CRMP1: variants seen among roughly 807,000 people sequenced by gnomAD.
CRMP1 encodes the protein collapsin response mediator protein 1.
In CRMP1, 19 loss-of-function variants were observed where a neutral mutation model predicts 68.3. That is an observed-to-expected ratio of 0.28 (90% CI 0.19 to 0.41). The LOEUF (loss-of-function observed/expected upper bound fraction) is 0.41, where lower values mean the gene tolerates loss of function less well. CRMP1 is among the 10% of genes least tolerant of loss of function. The pLI is 1.00. For synonymous variants in CRMP1, 439 were observed against 399.6 expected, an observed-to-expected ratio of 1.10 and a Z score of -1.18; for missense variants, 791 against 967.4, an observed-to-expected ratio of 0.82 and a Z score of 2.42.
rs1223141278 is a variant in CRMP1, at chr4:5,888,291, G to A, written c.381+4298C>T. ...TGGCCCCCTCTGGCGCCCTCGGCCC[G>A]GCCGCTGACCTGCGGGGCTGTCTGA... On this transcript the variant is annotated intron_variant, in intron 1 of 13. Transcript: ENST00000324989. This position sits in a 1 kb window ranked among gnomAD's most constrained non-coding sequence, Gnocchi z 6.4. The A allele has an allele frequency of 6.3e-6, 8 of 1,264,658 alleles. No homozygotes were observed. The highest frequency in any genetic ancestry group is 6.0e-6 in the Non-Finnish European group (6 of 998,886). The allele number at this position is 1,264,658 out of a possible 1,614,324, so 78.3% of individuals were successfully genotyped here.
rs1002451466 is a variant in CRMP1 at position 5,842,860 on chromosome 4, A to G, written c.1032+233T>C. Reference sequence around the variant, plus strand: ...CCGTATCCACTTGGGACACTGAAGCACCCACGGGGCCTTGGAGTGAAGTTC... The same window carrying G: ...CCGTATCCACTTGGGACACTGAAGCGCCCACGGGGCCTTGGAGTGAAGTTC... On this transcript the variant is annotated intron_variant, in intron 7 of 13. Transcript: ENST00000324989. This position sits in a 1 kb window ranked among gnomAD's most constrained non-coding sequence, Gnocchi z 4.5. Among the ~76,000 whole-genome samples the G allele has an allele frequency of 2.0e-5, 3 of 152,102 alleles. No individual in the cohort carries two copies. The highest frequency in any genetic ancestry group is 1.3e-4 in the Admixed American group (2 of 15,274).
chr4:5,882,397 A>T (rs1715276524), intron 1 of CRMP1, among the ~76,000 whole-genome samples: 1 of 152,248 alleles, frequency 6.6e-6, no homozygotes, highest in Admixed American at 6.5e-5. Flanking sequence ...ATGTAGCATG[A>T]GCAAAAAATA....
chr4:5,884,378 A>AAC (rs957504772), intron 1 of CRMP1, among the ~76,000 whole-genome samples: 25 of 151,564 alleles, frequency 1.6e-4, no homozygotes, highest in African/African-American at 5.6e-4. Context: ...TGTTTAATCA[A>AAC]ACACACACAC....
chr4:5,860,901 G>T lies in CRMP1; in HGVS notation c.655+125C>A. 2 of 936,316 alleles carry T rather than the reference G, an allele frequency of 2.1e-6. No homozygotes were observed. Among genetic ancestry groups the T allele is most frequent in the Non-Finnish European group, 3.2e-6 (2 of 633,040 alleles). The allele number at this position is 936,316 out of a possible 1,614,324, so 58.0% of individuals were successfully genotyped here. A position where few individuals can be genotyped will look rare whatever the true frequency, so the allele number is the denominator to read the frequency against. ...ACAGTGACCTGTGTCATAGGGCTGG[G>T]GGGAGAATGAAATCCAATGGCACCC... On this transcript the variant is annotated intron_variant, in intron 3 of 13. Coordinates refer to ENST00000324989, the MANE Select transcript of CRMP1 (RefSeq NM_001014809.3). The surrounding 1 kb of genome is among the most constrained non-coding windows in gnomAD (Gnocchi z 4.2).
chr4:5,864,676 C>T (rs1253512039), intron 2 of CRMP1, among the ~76,000 whole-genome samples: 10 of 152,170 alleles, frequency 6.6e-5, no homozygotes, highest in Non-Finnish European at 1.5e-4. Context: ...ATGCACCCCA[C>T]ACCGTCTTGG....
chr4:5,887,954 TG>T, intron 1 of CRMP1: 1 of 570,206 alleles, frequency 1.8e-6, no homozygotes, highest in Non-Finnish European at 2.5e-6. Flanking sequence ...CGCCATCCTC[TG>T]GCACATCCCG....
In CRMP1 at chr4:5,892,753, C is replaced by A. The variant is rs1486364991; in HGVS notation, c.217G>T (p.Val73Phe). 1.4e-5 allele frequency: 17 copies of A among 1,227,996 alleles called. No individual in the cohort carries two copies. Among genetic ancestry groups the A allele is most frequent in the Non-Finnish European group, 1.7e-5 (17 of 986,884 alleles). 76.1% of individuals were successfully genotyped at this position (1,227,996 alleles called of 1,614,324 possible). The change falls in exon 1 of 14, where the codon GTC (valine) becomes TTC (phenylalanine). Residue 73 changes from valine to phenylalanine, a missense_variant. Coordinates refer to ENST00000324989, the MANE Select transcript of CRMP1 (RefSeq NM_001014809.3). The surrounding 1 kb of genome is among the most constrained non-coding windows in gnomAD (Gnocchi z 8.6). ...TPRSAGRPDA[V>F]GLPGPGGSED... ...CTGCCTCCCGGCCCTGGCAGCCCGA[C>A]CGCGTCGGGCCGGCCAGCGCTGCGC... is the stretch of plus-strand genomic sequence containing the variant.
intron 1 of CRMP1, among the ~76,000 whole-genome samples, chr4:5,887,054 G>A (rs1318705963): frequency 6.6e-6 from 1 of 152,180 alleles, no homozygotes; most frequent in Non-Finnish European, 1.5e-5. Context: ...AGGGGGCCTG[G>A]GTTCCCTCCT....
chr4:5,883,232 TTTCCTTCC>T lies in CRMP1; in HGVS notation c.381+9349_381+9356del, dbSNP rs543767657. On this transcript the variant is annotated intron_variant, in intron 1 of 13. Coordinates refer to ENST00000324989, the MANE Select transcript of CRMP1 (RefSeq NM_001014809.3). This position sits in a 1 kb window ranked among gnomAD's most constrained non-coding sequence, Gnocchi z 4.5. ...GTGCCCTGTTCCGCAGCCTGCCTGC[TTTCCTTCC>T]TTCCTTCCTTCCTTCCTTCCTCCCT... 1.8e-5 allele frequency among the ~76,000 whole-genome samples: 2 copies of T among 112,372 alleles called. No individual in the cohort carries two copies. The highest frequency in any genetic ancestry group is 1.7e-4 in the Admixed American group (2 of 11,654). 73.7% of individuals were successfully genotyped at this position (112,372 alleles called of 152,430 possible). A position where few individuals can be genotyped will look rare whatever the true frequency, so the allele number is the denominator to read the frequency against.
chr4:5,889,555 G>T lies in CRMP1; in HGVS notation c.381+3034C>A. 11 of 1,534,724 alleles carry T rather than the reference G, an allele frequency of 7.2e-6. No homozygotes were observed. Among genetic ancestry groups the T allele is most frequent in the Non-Finnish European group, 9.6e-6 (11 of 1,145,678 alleles). On this transcript the variant is annotated intron_variant, in intron 1 of 13. Coordinates refer to ENST00000324989, the MANE Select transcript of CRMP1 (RefSeq NM_001014809.3). The surrounding 1 kb of genome is among the most constrained non-coding windows in gnomAD (Gnocchi z 4.5). ...AAGATGAAAGAAGATGGAGGAAAAG[G>T]GGGAGCCCCAGCAAGCCCCAACCTC... is the stretch of plus-strand genomic sequence containing the variant.
chr4:5,872,414 C>T lies in CRMP1; in HGVS notation c.382-5658G>A, dbSNP rs1049880626. Among the ~76,000 whole-genome samples the T allele has an allele frequency of 1.3e-4, 20 of 152,230 alleles. No homozygotes were observed. Among genetic ancestry groups the T allele is most frequent in the Non-Finnish European group, 2.4e-4 (16 of 68,022 alleles). On this transcript the variant is annotated intron_variant, in intron 1 of 13. Transcript: ENST00000324989. This position sits in a 1 kb window ranked among gnomAD's most constrained non-coding sequence, Gnocchi z 4.6. ...TATTATGTATAACCTAGGCCAGGTG[C>T]GGTGGCTCACGCCTGTAATCCCAGC...
chr4:5,845,285 G>C (rs1712107013), intron 6 of CRMP1, among the ~76,000 whole-genome samples: 1 of 152,186 alleles, frequency 6.6e-6, no homozygotes, highest in Non-Finnish European at 1.5e-5. Flanking sequence ...CAAGACAAAA[G>C]GGTTGGGCTG....
intron 4 of CRMP1, 69 bp downstream of exon 4, chr4:5,856,074 C>A: frequency 1.3e-6 from 2 of 1,571,768 alleles, no homozygotes; most frequent in Non-Finnish European, 1.7e-6. Flanking sequence ...ATTTTTCACT[C>A]CACATAATCT....
At position 5,890,127 on chromosome 4, in the gene CRMP1, C is replaced by G; in HGVS notation, c.381+2462G>C. On this transcript the variant is annotated intron_variant, in intron 1 of 13. Coordinates refer to ENST00000324989, the MANE Select transcript of CRMP1 (RefSeq NM_001014809.3). The surrounding 1 kb of genome is among the most constrained non-coding windows in gnomAD (Gnocchi z 5.5). ...TGACCGGAAATTGCAGATGGGGACA[C>G]TGTCCCTCCCCAACTCCTACACTCC... 1 of 215,508 alleles carries G rather than the reference C, an allele frequency of 4.6e-6. No individual in the cohort carries two copies. The highest frequency in any genetic ancestry group is 9.3e-6 in the Non-Finnish European group (1 of 108,078). 13.3% of individuals were successfully genotyped at this position (215,508 alleles called of 1,614,324 possible).
rs1426270270 is a variant in CRMP1, at chr4:5,825,459, A to C, written c.1969+35T>G. The stretch of plus-strand genomic sequence containing the variant: ...GGAAGGACTCGGCCTGAACTGCTGC[A>C]ATTGTGGGGAGCCTGGGCCACCACT... On this transcript the variant is annotated intron_variant, in intron 13 of 13. Coordinates refer to ENST00000324989, the MANE Select transcript of CRMP1 (RefSeq NM_001014809.3). The surrounding 1 kb of genome is among the most constrained non-coding windows in gnomAD (Gnocchi z 4.4). 1 of 1,536,302 alleles carries C rather than the reference A, an allele frequency of 6.5e-7. No individual in the cohort carries two copies. The highest frequency in any genetic ancestry group is 8.7e-7 in the Non-Finnish European group (1 of 1,149,838).
At chr4:5,837,401 T>A (rs991307867) in intron 9 of CRMP1, among the ~76,000 whole-genome samples, 1 of 149,312 alleles carries the variant, frequency 6.7e-6, no homozygotes, top group South Asian at 2.1e-4. Flanking sequence ...AGGCTGTGGA[T>A]CACCTGAAGT....
rs1713915099 is a variant in CRMP1 at position 5,865,425 on chromosome 4, T to C, written c.470+1243A>G. On this transcript the variant is annotated intron_variant, in intron 2 of 13. Coordinates refer to ENST00000324989, the MANE Select transcript of CRMP1 (RefSeq NM_001014809.3). This position sits in a 1 kb window ranked among gnomAD's most constrained non-coding sequence, Gnocchi z 4.1. ...TCACGAGGTCAGGAGATCGAGACCA[T>C]CCTGGCCAACATGGTGAAACCCCCG... is the stretch of plus-strand genomic sequence containing the variant. Among the ~76,000 whole-genome samples the C allele has an allele frequency of 6.6e-6, 1 of 151,822 alleles. No homozygotes were observed. Among genetic ancestry groups the C allele is most frequent in the African/African-American group, 2.4e-5 (1 of 41,302 alleles).
intron 1 of CRMP1, among the ~76,000 whole-genome samples, chr4:5,873,916 T>C (rs1714633593): frequency 6.6e-6 from 1 of 152,114 alleles, no homozygotes; most frequent in Admixed American, 6.6e-5. Flanking sequence ...GTGAAGGTCA[T>C]GGAGGGGTTT....
In CRMP1 at chr4:5,841,227, G is replaced by C. The variant is rs998013041; in HGVS notation, c.1153+81C>G. The C allele has an allele frequency of 5.0e-6, 8 of 1,607,564 alleles. No individual in the cohort carries two copies. Among genetic ancestry groups the C allele is most frequent in the Non-Finnish European group, 6.0e-6 (7 of 1,175,524 alleles). On this transcript the variant is annotated intron_variant, in intron 8 of 13. Transcript: ENST00000324989. This position sits in a 1 kb window ranked among gnomAD's most constrained non-coding sequence, Gnocchi z 6.9. ...CTCCTCCGGCTGCCTGTCTGAGTTCGGGAGGGAGTGAACTTGAACCTGCAG... is the reference window on the plus strand; with the variant it reads ...CTCCTCCGGCTGCCTGTCTGAGTTCCGGAGGGAGTGAACTTGAACCTGCAG...
Sources: gnomAD v4.1 joint callset for allele counts (sites outside exome capture counted in the v4.1 genomes callset) on GRCh38, gnomAD v4.1.1 for gene constraint, Gnocchi (gnomAD v3.1) non-coding constraint, MANE v1.5 for transcripts, NCBI Gene and HGNC (gene_info 2026-07-23, HGNC 2026-07-21) for gene names.